Variants in ANKRD26 observed in about 807,000 individuals in gnomAD.
The protein encoded by ANKRD26 is ankyrin repeat domain 26, also known as ankyrin repeat domain-containing protein 26.
In ANKRD26, 141 loss-of-function variants were observed where a neutral mutation model predicts 208.7. That is an observed-to-expected ratio of 0.68 (90% CI 0.59 to 0.78). The LOEUF (loss-of-function observed/expected upper bound fraction) is 0.78. Ranked by LOEUF, ANKRD26 falls within the 30% of genes least tolerant of loss-of-function variation. The pLI is 0.00. For missense variants in ANKRD26, 1,889 were observed against 1,938.7 expected (o/e 0.97, Z 0.48); for synonymous variants, 636 against 660.4 (o/e 0.96, Z 0.57).
chr10:27,082,524 T>C (rs961705379), intron 6 of ANKRD26, among the ~76,000 whole-genome samples: 1 of 152,164 alleles, frequency 6.6e-6, no homozygotes, highest in African/African-American at 2.4e-5. Context: ...CAGGTCTCTA[T>C]CAATCTATGC....
In ANKRD26 at chr10:27,037,317, G is replaced by C; in HGVS notation, c.2566C>G (p.Gln856Glu). ...TGCCTCTGAGCGTCATTTCGCTCTT[G>C]AACGACCTAGAGATACATTAAGTTT... ...TVKSNLNQVV[Q>E]ERNDAQRQLS... The change falls in exon 23 of 34, where the codon CAA becomes GAA. Residue 856 changes from glutamine to glutamate, a missense_variant. Coordinates refer to ENST00000376087, the MANE Select transcript of ANKRD26 (RefSeq NM_014915.3). The C allele has an allele frequency of 6.2e-7, 1 of 1,613,724 alleles. No homozygotes were observed. Among genetic ancestry groups the C allele is most frequent in the Non-Finnish European group, 8.5e-7 (1 of 1,179,800 alleles).
chr10:27,005,724 CTAGA>C lies in ANKRD26; in HGVS notation c.5000-5_5000-2del. The C allele has an allele frequency of 8.1e-6, 13 of 1,604,524 alleles. No individual in the cohort carries two copies. Among genetic ancestry groups the C allele is most frequent in the Non-Finnish European group, 1.1e-5 (13 of 1,176,084 alleles). On this transcript the variant is annotated splice_acceptor_variant and splice_polypyrimidine_tract_variant and intron_variant, in intron 33 of 33. Transcript: ENST00000376087. LOFTEE classifies it high-confidence loss of function. ...GATCCAGATTCCAATTCAGCAGCAG[CTAGA>C]ATGAAAAAGAAAGAATTATATTCCT...
At chr10:27,029,530 A>G (rs2053794958) in intron 25 of ANKRD26, among the ~76,000 whole-genome samples, 174 bp from the exon 26 acceptor site, 1 of 152,220 alleles carries the variant, frequency 6.6e-6, no homozygotes, top group African/African-American at 2.4e-5. Context: ...AGCAGGTGGT[A>G]TCTACGGCTC....
chr10:26,963,902 G>GTT, the ANKRD26 span, among the ~76,000 whole-genome samples: 117 of 66,966 alleles, frequency 1.7e-3, 16 homozygotes, highest in Non-Finnish European at 2.0e-3. Context: ...ATGGTTGGTT[G>GTT]GTTTTTTTTT....
intron 9 of ANKRD26, among the ~76,000 whole-genome samples, chr10:27,069,193 T>C (rs2055381382): frequency 5.6e-5 from 1 of 17,778 alleles, no homozygotes; most frequent in African/African-American, 2.2e-4. Flanking sequence ...AGACGTCGTC[T>C]CAAAAAAAAA....
intron 21 of ANKRD26, among the ~76,000 whole-genome samples, chr10:27,038,611 A>G (rs1238247667): frequency 1.3e-5 from 2 of 151,626 alleles, no homozygotes; most frequent in African/African-American, 4.9e-5. Context: ...AGATTGTGCC[A>G]CTGCACTCCA....
chr10:27,007,358 A>G (rs897603542), intron 32 of ANKRD26, among the ~76,000 whole-genome samples: 5 of 152,146 alleles, frequency 3.3e-5, no homozygotes, highest in African/African-American at 4.8e-5. Context: ...ATTTTTCCTT[A>G]AAATAAACTT....
At chr10:27,024,321 A>G in intron 28 of ANKRD26, 126 bp downstream of exon 28, 1 of 592,844 alleles carries the variant, frequency 1.7e-6, no homozygotes, top group South Asian at 2.4e-5. Context: ...AAACCATTTT[A>G]AAAGAGAATA....
Position 27,034,934 on chromosome 10 carries a change from A to C in ANKRD26, c.3516T>G (p.His1172Gln). 2 of 1,614,064 alleles carry C rather than the reference A, an allele frequency of 1.2e-6. No individual in the cohort carries two copies. Among genetic ancestry groups the C allele is most frequent in the South Asian group, 1.1e-5 (1 of 91,066 alleles). ...CAGCTTGAAGTTTTTGCACAATAGCATGAAACTGGTCTTGGATATTAATCA... is the reference window on the plus strand; with the variant it reads ...CAGCTTGAAGTTTTTGCACAATAGCCTGAAACTGGTCTTGGATATTAATCA... ...KTVINIQDQF[H>Q]AIVQKLQAES... The change falls in exon 24 of 34, where the codon CAT (histidine) becomes CAG (glutamine). Residue 1172 changes from histidine (H) to glutamine (Q), a missense_variant. Around this residue, in one of 3 missense-constraint regions of ANKRD26, gnomAD observed 613 missense variants for 648.2 expected, o/e 0.95. Transcript: ENST00000376087.
At chr10:27,071,699 A>G (rs1237445597) in intron 9 of ANKRD26, among the ~76,000 whole-genome samples, 1 of 152,134 alleles carries the variant, frequency 6.6e-6, no homozygotes, top group Non-Finnish European at 1.5e-5. Context: ...GGCGGGCAGC[A>G]GTGTACACGA....
chr10:26,995,269 G>A, intron 4 of ANKRD26: 1 of 442,278 alleles, frequency 2.3e-6, no homozygotes, highest in South Asian at 1.7e-5. Flanking sequence ...GAGTTTAGAA[G>A]GGTCTCAAGA....
chr10:26,949,923 T>C, the ANKRD26 span, among the ~76,000 whole-genome samples: 1 of 152,262 alleles, frequency 6.6e-6, no homozygotes, highest in African/African-American at 2.4e-5. Flanking sequence ...CCTACACCTT[T>C]TTTCACTTAC....
chr10:26,958,085 A>ATG, the ANKRD26 span, among the ~76,000 whole-genome samples: 1 of 149,532 alleles, frequency 6.7e-6, no homozygotes, highest in African/African-American at 2.5e-5. Context: ...ATATATATAT[A>ATG]TATATATTTA....
chr10:27,033,333 T>C lies in ANKRD26; in HGVS notation c.3699A>G (p.Lys1233=). 6.2e-7 allele frequency: 1 copy of C among 1,612,070 alleles called. No individual in the cohort carries two copies. The highest frequency in any genetic ancestry group is 1.1e-5 in the South Asian group (1 of 90,896). Residue 1233 remains lysine (K), a synonymous_variant, in exon 25 of 34, where the codon AAA becomes AAG. Coordinates refer to ENST00000376087, the MANE Select transcript of ANKRD26 (RefSeq NM_014915.3). ...GTGAAGCCTCTGACATAGATTGTTTTTTTAGGGTATCAGCTAGTTCTTGTT... is the reference window on the plus strand; with the variant it reads ...GTGAAGCCTCTGACATAGATTGTTTCTTTAGGGTATCAGCTAGTTCTTGTT... The part of the protein sequence containing the change: ...QLQQELADTL[K]KQSMSEASLE...
chr10:27,059,401 A>C (rs947358592), intron 15 of ANKRD26, among the ~76,000 whole-genome samples: 2 of 152,224 alleles, frequency 1.3e-5, no homozygotes, highest in African/African-American at 4.8e-5. Context: ...AACCATTTAT[A>C]TAAAATTCTA....
chr10:27,012,385 T>A (rs2053143536), intron 32 of ANKRD26, among the ~76,000 whole-genome samples: 1 of 147,912 alleles, frequency 6.8e-6, no homozygotes, highest in African/African-American at 2.5e-5. Context: ...AAATGAGAGC[T>A]CTAGGGACTA....
At chr10:27,052,497 G>T (rs928406678) in intron 16 of ANKRD26, among the ~76,000 whole-genome samples, 1 of 152,064 alleles carries the variant, frequency 6.6e-6, no homozygotes, top group Non-Finnish European at 1.5e-5. Context: ...TAACTGGAGA[G>T]TAGGGAAAGT....
rs545379063 is a variant in ANKRD26, at chr10:27,066,406, G to A, written c.1269+81C>T. ...TATGGATGTATGCAGAGGTAAAAAA[G>A]TCAAGTCAAAGCATCTCTTTATGTT... On this transcript the variant is annotated intron_variant, in intron 11 of 33. Coordinates refer to ENST00000376087, the MANE Select transcript of ANKRD26 (RefSeq NM_014915.3). 10 of 1,135,274 alleles carry A rather than the reference G, an allele frequency of 8.8e-6. No homozygotes were observed. The East Asian group carries it at 1.9e-4, about 22-fold the overall frequency. The allele number at this position is 1,135,274 out of a possible 1,614,324, so 70.3% of individuals were successfully genotyped here. A position where few individuals can be genotyped will look rare whatever the true frequency, so the allele number is the denominator to read the frequency against.
At chr10:27,092,863 A>G (rs985187726) in intron 3 of ANKRD26, among the ~76,000 whole-genome samples, 1 of 152,168 alleles carries the variant, frequency 6.6e-6, no homozygotes, top group East Asian at 1.9e-4. Flanking sequence ...CGGGTGGATC[A>G]CCTGAGGTCA....
Sources: gnomAD v4.1 joint callset for allele counts (sites outside exome capture counted in the v4.1 genomes callset) on GRCh38, gnomAD v4.1.1 for gene constraint, gnomAD v4.1.1 regional missense constraint, MANE v1.5 for transcripts, NCBI Gene and HGNC (gene_info 2026-07-23, HGNC 2026-07-21) for gene names.